Variants in CCBE1 observed in about 807,000 individuals in gnomAD.
The protein encoded by CCBE1 is collagen and calcium binding EGF domains 1, also known as collagen and calcium-binding EGF domain-containing protein 1.
Under a neutral mutation model 50.0 loss-of-function variants are expected in CCBE1, and 37 were observed. The ratio of observed to expected loss-of-function variants is 0.74; its 90% CI spans 0.57 to 0.97. The LOEUF (loss-of-function observed/expected upper bound fraction) is 0.97, where lower values mean the gene tolerates loss of function less well. Among genes scored for constraint, CCBE1 ranks in the 50% least tolerant of loss-of-function variants. The pLI is 0.00. For synonymous variants in CCBE1, 234 were observed against 203.7 expected, an observed-to-expected ratio of 1.15 and a Z score of -1.27; for missense variants, 538 against 523.8, an observed-to-expected ratio of 1.03 and a Z score of -0.26.
rs1362082678 is a variant in CCBE1, at chr18:59,692,355, A to T, written c.212+4274T>A. ...AGTACCAATTGGATGCTCATTTTAC[A>T]GATGAGAAAATTAAAGCACAGATAT... On this transcript the variant is annotated intron_variant, in intron 2 of 10. Coordinates refer to ENST00000439986, the MANE Select transcript of CCBE1 (RefSeq NM_133459.4). 2.0e-5 allele frequency among the ~76,000 whole-genome samples: 3 copies of T among 152,338 alleles called. No individual in the cohort carries two copies. In the East Asian group the frequency reaches 5.8e-4, roughly 29 times the overall value.
At chr18:59,467,899 G>A (rs1911829148) in intron 4 of CCBE1, among the ~76,000 whole-genome samples, 1 of 152,160 alleles carries the variant, frequency 6.6e-6, no homozygotes, top group Non-Finnish European at 1.5e-5. Context: ...TATGTCACCT[G>A]TAGACCGGAT....
chr18:59,663,375 A>G (rs1307679639), intron 2 of CCBE1, among the ~76,000 whole-genome samples: 2 of 152,182 alleles, frequency 1.3e-5, no homozygotes, highest in African/African-American at 4.8e-5. Context: ...TCAAGTCAAC[A>G]TATGTCCTGA....
intron 5 of CCBE1, chr18:59,458,964 ATGC>A (rs1039747547): frequency 1.3e-5 from 2 of 152,202 alleles, no homozygotes; most frequent in Non-Finnish European, 2.9e-5. Flanking sequence ...TTGAATACTG[ATGC>A]TGCTAACTAG....
At chr18:59,502,761 C>A (rs1281596498) in intron 2 of CCBE1, among the ~76,000 whole-genome samples, 1 of 152,060 alleles carries the variant, frequency 6.6e-6, no homozygotes, top group Non-Finnish European at 1.5e-5. Flanking sequence ...CATGTCAGAG[C>A]GGAGCTTTAA....
At chr18:59,686,947 T>A (rs1175047548) in intron 2 of CCBE1, among the ~76,000 whole-genome samples, 1 of 151,914 alleles carries the variant, frequency 6.6e-6, no homozygotes. Flanking sequence ...TGCATTTTTG[T>A]TTGGGGGCAA....
chr18:59,460,783 G>C (rs757957974), intron 5 of CCBE1, among the ~76,000 whole-genome samples: 14 of 151,876 alleles, frequency 9.2e-5, no homozygotes, highest in Non-Finnish European at 1.8e-4. Flanking sequence ...AATACAAAAA[G>C]GTTTAGCTGG....
chr18:59,436,723 C>G (rs1910173840), intron 10 of CCBE1, among the ~76,000 whole-genome samples: 1 of 152,072 alleles, frequency 6.6e-6, no homozygotes, highest in African/African-American at 2.4e-5. Flanking sequence ...AATCCTAGCA[C>G]TTTGGGAGGC....
chr18:59,466,368 G>A (rs1409989499), intron 5 of CCBE1, among the ~76,000 whole-genome samples: 4 of 152,052 alleles, frequency 2.6e-5, no homozygotes, highest in African/African-American at 9.7e-5. Flanking sequence ...AACCGTGTAA[G>A]ACGTGCCTTT....
At chr18:59,576,215 G>A (rs989850124) in intron 2 of CCBE1, among the ~76,000 whole-genome samples, 2 of 152,198 alleles carry the variant, frequency 1.3e-5, no homozygotes, top group African/African-American at 4.8e-5. Flanking sequence ...TACAGGTAAA[G>A]CTGCTATAAA....
At chr18:59,599,634 T>C (rs1238412831) in intron 2 of CCBE1, among the ~76,000 whole-genome samples, 1 of 152,212 alleles carries the variant, frequency 6.6e-6, no homozygotes, top group Non-Finnish European at 1.5e-5. Flanking sequence ...CTATCAGATC[T>C]GGGTTCAAAG....
intron 2 of CCBE1, among the ~76,000 whole-genome samples, chr18:59,541,870 CTTAA>C (rs1230511455): frequency 7.1e-6 from 1 of 140,688 alleles, no homozygotes; most frequent in Non-Finnish European, 1.6e-5. Flanking sequence ...GACATTTCTG[CTTAA>C]TTAAAAAAAA....
At chr18:59,633,976 C>G (rs2053885804) in intron 2 of CCBE1, among the ~76,000 whole-genome samples, 1 of 152,138 alleles carries the variant, frequency 6.6e-6, no homozygotes, top group Non-Finnish European at 1.5e-5. Flanking sequence ...ACAGATCTGG[C>G]AGATGTACGT....
At chr18:59,625,395 C>A (rs564460224) in intron 2 of CCBE1, among the ~76,000 whole-genome samples, 8 of 141,458 alleles carry the variant, frequency 5.7e-5, no homozygotes, top group East Asian at 4.2e-4. Flanking sequence ...CGCGCCACTG[C>A]GCTCCAGCCT....
chr18:59,677,659 T>C (rs1303737594), intron 2 of CCBE1, among the ~76,000 whole-genome samples: 1 of 151,988 alleles, frequency 6.6e-6, no homozygotes, highest in African/African-American at 2.4e-5. Flanking sequence ...GAGGATCACT[T>C]GAACCCAGGA....
intron 2 of CCBE1, among the ~76,000 whole-genome samples, chr18:59,685,201 C>CA (rs1253543185): frequency 6.6e-6 from 1 of 151,934 alleles, no homozygotes; most frequent in African/African-American, 2.4e-5. Flanking sequence ...GCCTACAATA[C>CA]AAAATAAAGA....
chr18:59,541,618 G>T (rs150002810), intron 2 of CCBE1, among the ~76,000 whole-genome samples: 5 of 152,250 alleles, frequency 3.3e-5, no homozygotes, highest in Non-Finnish European at 5.9e-5. Flanking sequence ...AGTCCTAGGT[G>T]TCCATATTTA....
rs542615950 is a variant in CCBE1 at position 59,455,223 on chromosome 18, G to A, written c.554-272C>T. Reference sequence around the variant, plus strand: ...AGGAAGACCCTGATCTTCCTTTCATGTGTGAAAATGCGTACCATGGCCTTT... The same window carrying A: ...AGGAAGACCCTGATCTTCCTTTCATATGTGAAAATGCGTACCATGGCCTTT... On this transcript the variant is annotated intron_variant, in intron 5 of 10. Transcript: ENST00000439986. 37 of 533,694 alleles carry A rather than the reference G, an allele frequency of 6.9e-5. No individual in the cohort carries two copies. In the African/African-American group the frequency reaches 7.0e-4, roughly 10 times the overall value. 33.1% of individuals were successfully genotyped at this position (533,694 alleles called of 1,614,324 possible). A position where few individuals can be genotyped will look rare whatever the true frequency, so the allele number is the denominator to read the frequency against.
At chr18:59,554,416 C>T (rs1441533762) in intron 2 of CCBE1, among the ~76,000 whole-genome samples, 1 of 152,204 alleles carries the variant, frequency 6.6e-6, no homozygotes, top group Non-Finnish European at 1.5e-5. Context: ...TCCCATGTTA[C>T]ACACAGTCTT....
intron 2 of CCBE1, among the ~76,000 whole-genome samples, chr18:59,677,910 A>G (rs1192331817): frequency 6.6e-6 from 1 of 152,204 alleles, no homozygotes; most frequent in Non-Finnish European, 1.5e-5. Context: ...ACTACAGGAA[A>G]GGTAAGATAC....
Sources: gnomAD v4.1 joint callset for allele counts (sites outside exome capture counted in the v4.1 genomes callset) on GRCh38, gnomAD v4.1.1 for gene constraint, MANE v1.5 for transcripts, NCBI Gene and HGNC (gene_info 2026-07-23, HGNC 2026-07-21) for gene names.